GNA12: variants seen among roughly 807,000 people sequenced by gnomAD.
The protein encoded by GNA12 is guanine nucleotide-binding protein subunit alpha-12.
In GNA12, 9 loss-of-function variants were observed where a neutral mutation model predicts 26.0. The observed-to-expected ratio is 0.35, with a 90% confidence interval of 0.21 to 0.60. The LOEUF (loss-of-function observed/expected upper bound fraction) is 0.60, where lower values mean the gene tolerates loss of function less well. GNA12 is among the 20% of genes least tolerant of loss of function. The pLI is 0.78. For synonymous variants in GNA12, 264 were observed against 219.6 expected, an observed-to-expected ratio of 1.20 and a Z score of -1.79; for missense variants, 405 against 525.8, an observed-to-expected ratio of 0.77 and a Z score of 2.25.
At chr7:2,832,152 C>T (rs1224105589) in intron 1 of GNA12, among the ~76,000 whole-genome samples, 1 of 152,198 alleles carries the variant, frequency 6.6e-6, no homozygotes, top group Non-Finnish European at 1.5e-5. Context: ...GTTCATCCAT[C>T]TTATGGACAG....
chr7:2,782,895 T>C (rs1010933255), intron 2 of GNA12, among the ~76,000 whole-genome samples: 1 of 152,270 alleles, frequency 6.6e-6, no homozygotes, highest in Non-Finnish European at 1.5e-5. Flanking sequence ...TCTAGTTTAC[T>C]AATACTTTGT....
intron 1 of GNA12, among the ~76,000 whole-genome samples, chr7:2,840,728 C>T (rs1031703553): frequency 4.5e-4 from 68 of 152,168 alleles, no homozygotes; most frequent in African/African-American, 1.6e-3. Context: ...TACACACCTA[C>T]AGTCCCAGCT....
At chr7:2,834,365 T>C (rs573721218) in intron 1 of GNA12, among the ~76,000 whole-genome samples, 1 of 152,364 alleles carries the variant, frequency 6.6e-6, no homozygotes, top group South Asian at 2.1e-4. Context: ...ATCTTCCCAC[T>C]GGCCTCCTGC....
intron 2 of GNA12, among the ~76,000 whole-genome samples, chr7:2,775,683 G>T (rs1792059813): frequency 6.6e-6 from 1 of 152,182 alleles, no homozygotes; most frequent in Non-Finnish European, 1.5e-5. Context: ...GAAGATATCT[G>T]CCATCAAACT....
chr7:2,750,290 C>T (rs943411004), intron 2 of GNA12, among the ~76,000 whole-genome samples: 1 of 152,186 alleles, frequency 6.6e-6, no homozygotes, highest in Non-Finnish European at 1.5e-5. Flanking sequence ...CCCCAAACTG[C>T]AGAGGCAGAC....
intron 2 of GNA12, among the ~76,000 whole-genome samples, chr7:2,778,169 G>A (rs1300326827): frequency 6.6e-6 from 1 of 151,968 alleles, no homozygotes; most frequent in African/African-American, 2.4e-5. Flanking sequence ...AGTGAGAAGA[G>A]ACTTAAAAAA....
intron 2 of GNA12, among the ~76,000 whole-genome samples, chr7:2,737,294 T>TTTTTTTTTTTTTTTTTTA (rs1790254315): frequency 8.5e-6 from 1 of 117,112 alleles, no homozygotes; most frequent in Non-Finnish European, 1.8e-5. Context: ...TTTTTGTTTT[T>TTTTTTTTTTTTTTTTTTA]TTTTTTTTTT....
At chr7:2,803,950 C>T (rs1365702895) in intron 1 of GNA12, among the ~76,000 whole-genome samples, 1 of 152,214 alleles carries the variant, frequency 6.6e-6, no homozygotes, top group Admixed American at 6.5e-5. Flanking sequence ...CCCCAACCCC[C>T]ACCCGCCAGC....
intron 1 of GNA12, among the ~76,000 whole-genome samples, chr7:2,832,553 G>C (rs1031882504): frequency 6.6e-6 from 1 of 152,126 alleles, no homozygotes; most frequent in African/African-American, 2.4e-5. Flanking sequence ...AGTGTTCCTC[G>C]GGCTTAGTTT....
intron 1 of GNA12, among the ~76,000 whole-genome samples, chr7:2,830,006 C>T (rs183022703): frequency 5.1e-4 from 77 of 152,328 alleles, no homozygotes; most frequent in Middle Eastern, 3.4e-3. Context: ...ACTCCTGCCT[C>T]GAGCTGTGGT....
At chr7:2,827,650 T>G (rs1345577078) in intron 1 of GNA12, among the ~76,000 whole-genome samples, 1 of 152,020 alleles carries the variant, frequency 6.6e-6, no homozygotes, top group Non-Finnish European at 1.5e-5. Context: ...CTGACTGCAG[T>G]GACACCAGGA....
intron 1 of GNA12, among the ~76,000 whole-genome samples, chr7:2,806,724 T>C (rs753741266): frequency 6.6e-5 from 10 of 152,180 alleles, no homozygotes; most frequent in Non-Finnish European, 1.3e-4. Flanking sequence ...ATTCAAGATT[T>C]CAAGATCTGT....
rs752365171 is a variant in GNA12 at position 2,762,641 on chromosome 7, C to G, written c.526-29140G>C. The G allele has an allele frequency of 3.8e-6, 6 of 1,594,804 alleles. No homozygotes were observed. The Admixed American group carries it at 8.7e-5, about 23-fold the overall frequency. ...GATAAGACCCCAATGCCATGAAGCA[C>G]AGAGCGGCAGGACGATGAGAGGATA... On this transcript the variant is annotated intron_variant, in intron 2 of 3. Coordinates refer to ENST00000275364, the MANE Select transcript of GNA12 (RefSeq NM_007353.3).
At chr7:2,779,220 T>C (rs977957997) in intron 2 of GNA12, among the ~76,000 whole-genome samples, 3 of 152,124 alleles carry the variant, frequency 2.0e-5, no homozygotes, top group Non-Finnish European at 2.9e-5. Context: ...TGTGGTGGCA[T>C]GCCTGTAGTC....
chr7:2,750,674 G>C lies in GNA12; in HGVS notation c.526-17173C>G, dbSNP rs142814224. Among the ~76,000 whole-genome samples, 630 of 152,308 alleles carry C rather than the reference G, an allele frequency of 4.1e-3. 3 individuals are homozygous for C. Among genetic ancestry groups the C allele is most frequent in the African/African-American group, 0.015 (603 of 41,576 alleles). On this transcript the variant is annotated intron_variant, in intron 2 of 3. Transcript: ENST00000275364. ...GTTGACTGCGGGTAACTGAAACCAT[G>C]GAAGGTGAAGCCACGGACACGGGGG... is the stretch of plus-strand genomic sequence containing the variant.
chr7:2,828,090 G>A (rs563640427), intron 1 of GNA12, among the ~76,000 whole-genome samples: 21 of 152,238 alleles, frequency 1.4e-4, no homozygotes, highest in South Asian at 6.2e-4. Context: ...AGAAAATGCC[G>A]AAGATGTTGT....
chr7:2,734,780 C>G (rs549972519), intron 2 of GNA12, among the ~76,000 whole-genome samples: 1 of 152,210 alleles, frequency 6.6e-6, no homozygotes, highest in Admixed American at 6.5e-5. Context: ...CTGTGTTGAG[C>G]GAGCACACAT....
At chr7:2,814,995 C>A in intron 1 of GNA12, 2 of 1,545,566 alleles carry the variant, frequency 1.3e-6, no homozygotes, top group Non-Finnish European at 1.7e-6. Flanking sequence ...GTCACTGTAT[C>A]CAGGTCTAAT....
chr7:2,805,242 G>A (rs945673210), intron 1 of GNA12, among the ~76,000 whole-genome samples: 4 of 152,228 alleles, frequency 2.6e-5, no homozygotes, highest in Non-Finnish European at 5.9e-5. Flanking sequence ...CTAAGCGCCT[G>A]CCATGTGAAC....
Sources: allele counts gnomAD v4.1 joint callset (sites outside exome capture counted in the v4.1 genomes callset), GRCh38; gene constraint gnomAD v4.1.1; transcripts MANE v1.5; gene names NCBI Gene and HGNC (gene_info 2026-07-23, HGNC 2026-07-21).